The following NELL1 variants were observed in gnomAD, a reference collection of about 807,000 sequenced individuals.
NELL1 encodes neural EGFL like 1.
In NELL1, 76 loss-of-function variants were observed where a neutral mutation model predicts 107.4. The observed-to-expected ratio is 0.71, with a 90% CI of 0.59 to 0.86. The LOEUF (loss-of-function observed/expected upper bound fraction) is 0.86. Ranked by LOEUF, NELL1 falls within the 40% of genes least tolerant of loss-of-function variation. The pLI is 0.00. For missense variants in NELL1, 1,024 were observed against 1,005.5 expected (o/e 1.02, Z -0.25); for synonymous variants, 353 against 341.2 (o/e 1.03, Z -0.38).
intron 4 of NELL1, among the ~76,000 whole-genome samples, chr11:20,865,044 T>C (rs1056893659): frequency 6.6e-6 from 1 of 152,192 alleles, no homozygotes; most frequent in African/African-American, 2.4e-5. Flanking sequence ...TGCCCTCCTT[T>C]AACTGCAAGT....
chr11:21,058,135 A>C (rs4923293), intron 12 of NELL1, among the ~76,000 whole-genome samples: 1 of 151,802 alleles, frequency 6.6e-6, no homozygotes, highest in Non-Finnish European at 1.5e-5. Flanking sequence ...AGACTGATGG[A>C]TAGAAAGACA....
At chr11:21,471,417 C>T (rs1054687097) in intron 15 of NELL1, among the ~76,000 whole-genome samples, 11 of 152,034 alleles carry the variant, frequency 7.2e-5, no homozygotes, top group African/African-American at 2.7e-4. Flanking sequence ...TTCATCCTAA[C>T]AAGCCATCTT....
At chr11:21,126,705 A>G (rs7103809) in intron 13 of NELL1, among the ~76,000 whole-genome samples, 87,144 of 152,082 alleles carry the variant, frequency 0.57, 25,358 homozygotes, top group African/African-American at 0.64. Context: ...CACTTAAAAG[A>G]ATAACAGGGC....
chr11:21,148,929 A>G (rs1035775490), intron 13 of NELL1, among the ~76,000 whole-genome samples: 2 of 152,188 alleles, frequency 1.3e-5, no homozygotes, highest in African/African-American at 4.8e-5. Context: ...CTAAGGGCTC[A>G]TTGATACTTT....
At chr11:20,790,187 G>T (rs1468303491) in intron 3 of NELL1, among the ~76,000 whole-genome samples, 1 of 152,226 alleles carries the variant, frequency 6.6e-6, no homozygotes, top group Non-Finnish European at 1.5e-5. Context: ...CCCAGGAACT[G>T]TCTACCTCCT....
intron 2 of NELL1, among the ~76,000 whole-genome samples, chr11:20,731,763 A>G (rs1855649951): frequency 6.6e-6 from 1 of 152,238 alleles, no homozygotes; most frequent in African/African-American, 2.4e-5. Context: ...GATGAAAATA[A>G]AAACCATGTA....
chr11:21,367,203 C>T (rs1454345723), intron 14 of NELL1, among the ~76,000 whole-genome samples: 1 of 151,736 alleles, frequency 6.6e-6, no homozygotes, highest in Non-Finnish European at 1.5e-5. Context: ...AACATCTCCT[C>T]CAGTGCAGCA....
intron 13 of NELL1, among the ~76,000 whole-genome samples, chr11:21,175,313 A>G (rs1031526936): frequency 3.3e-5 from 5 of 151,590 alleles, no homozygotes; most frequent in Admixed American, 6.6e-5. Flanking sequence ...CCATTCTTCA[A>G]TTTCATGTTT....
In NELL1 at chr11:21,390,540, T is replaced by TACACACACAC. The variant is rs1420510915; in HGVS notation, c.1645+19592_1645+19593insACACACACAC. Among the ~76,000 whole-genome samples, 196 of 145,266 alleles carry TACACACACAC rather than the reference T, an allele frequency of 1.3e-3. 1 individual carries two copies. The highest frequency in any genetic ancestry group is 8.2e-3 in the East Asian group (41 of 4,992). ...ACACACACACACACACACACACACG[T>TACACACACAC]GCGCACGCACCCAAACACTTCCCAT... On this transcript the variant is annotated intron_variant, in intron 15 of 19. Coordinates refer to ENST00000357134, the MANE Select transcript of NELL1 (RefSeq NM_006157.5).
chr11:21,040,196 AG>A (rs1339394133), intron 12 of NELL1, among the ~76,000 whole-genome samples: 1 of 151,544 alleles, frequency 6.6e-6, no homozygotes, highest in Non-Finnish European at 1.5e-5. Flanking sequence ...ATTTAATACT[AG>A]GCATCATGTG....
intron 15 of NELL1, among the ~76,000 whole-genome samples, chr11:21,394,093 T>C (rs576824460): frequency 7.4e-4 from 112 of 151,748 alleles, no homozygotes; most frequent in South Asian, 4.1e-3. Context: ...CTGAGTATAT[T>C]GCCTGTGCCA....
At chr11:20,969,437 A>G (rs12578081) in intron 12 of NELL1, among the ~76,000 whole-genome samples, 2 of 152,078 alleles carry the variant, frequency 1.3e-5, no homozygotes, top group African/African-American at 2.4e-5. Context: ...AGGATGCTTT[A>G]TAATTAAGAG....
Position 20,678,028 on chromosome 11 carries a change from T to G in NELL1, c.152T>G (p.Met51Arg). 1.9e-6 allele frequency: 3 copies of G among 1,614,140 alleles called. No individual in the cohort carries two copies. The highest frequency in any genetic ancestry group is 2.5e-6 in the Non-Finnish European group (3 of 1,180,008). The change falls in exon 2 of 20, where the codon ATG (methionine) becomes AGG (arginine). Residue 51 changes from methionine to arginine, a missense_variant. By Grantham distance (91) the Met-to-Arg change is moderately conservative (BLOSUM62 -1). Transcript: ENST00000357134. ...CTTGGAGTTGCTCAGGTGTCTGGAA[T>G]GCACAATGCCAGCAAAGCATTTTTA... ...TTLGVAQVSG[M>R]HNASKAFLFQ...
intron 14 of NELL1, among the ~76,000 whole-genome samples, chr11:21,303,092 ATAT>A (rs1290934150): frequency 6.6e-6 from 1 of 151,048 alleles, no homozygotes; most frequent in Non-Finnish European, 1.5e-5. Context: ...ATCTATATCT[ATAT>A]CTATATCTAT....
chr11:20,803,959 T>TC (rs1857330769), intron 3 of NELL1, among the ~76,000 whole-genome samples: 1 of 152,166 alleles, frequency 6.6e-6, no homozygotes, highest in Admixed American at 6.5e-5. Context: ...AACATCGGAC[T>TC]CCCAGTTTCT....
chr11:20,925,201 T>C (rs1372396278), intron 7 of NELL1, among the ~76,000 whole-genome samples: 1 of 152,194 alleles, frequency 6.6e-6, no homozygotes, highest in African/African-American at 2.4e-5. Context: ...GTGTATTTTA[T>C]CCGTTTCCTA....
Position 21,193,565 on chromosome 11 carries a change from A to G in NELL1, c.1427-35767A>G, listed in dbSNP as rs541536692. On this transcript the variant is annotated intron_variant, in intron 13 of 19. Transcript: ENST00000357134. ...ATAAAGAAGCTTTGAAAAAGAGGAT[A>G]AAATGTATTTATAGAGGAAAAAAAT... is the stretch of plus-strand genomic sequence containing the variant. Among the ~76,000 whole-genome samples the G allele has an allele frequency of 3.3e-5, 5 of 152,066 alleles. No homozygotes were observed. The East Asian group carries it at 9.6e-4, about 29-fold the overall frequency.
At chr11:21,218,614 T>C (rs1423788669) in intron 13 of NELL1, among the ~76,000 whole-genome samples, 3 of 152,166 alleles carry the variant, frequency 2.0e-5, no homozygotes, top group Non-Finnish European at 4.4e-5. Flanking sequence ...ATTTTCTGTC[T>C]CCTAATCAAC....
At chr11:21,174,455 TA>T (rs903087440) in intron 13 of NELL1, among the ~76,000 whole-genome samples, 1 of 151,838 alleles carries the variant, frequency 6.6e-6, no homozygotes, top group African/African-American at 2.4e-5. Context: ...CCTTGATATA[TA>T]AAATTGAAAT....
Sources: allele counts gnomAD v4.1 joint callset (sites outside exome capture counted in the v4.1 genomes callset), GRCh38; gene constraint gnomAD v4.1.1; transcripts MANE v1.5; gene names NCBI Gene and HGNC (gene_info 2026-07-23, HGNC 2026-07-21).